FSTL4: variants seen among roughly 807,000 people sequenced by gnomAD.
FSTL4 encodes follistatin-related protein 4.
FSTL4 carries 28 observed loss-of-function variants against 78.2 expected under a neutral mutation model. The observed-to-expected ratio is 0.36, with a 90% CI of 0.27 to 0.49. The LOEUF is 0.49. FSTL4 is among the 20% of genes least tolerant of loss of function. The pLI, the probability that FSTL4 is intolerant of heterozygous loss-of-function variation, is 0.98. For synonymous variants in FSTL4, 422 were observed against 440.5 expected, an observed-to-expected ratio of 0.96 and a Z score of 0.53; for missense variants, 922 against 1,084.9, an observed-to-expected ratio of 0.85 and a Z score of 2.11.
the FSTL4 span, among the ~76,000 whole-genome samples, chr5:133,796,376 G>A: frequency 6.6e-6 from 1 of 152,196 alleles, no homozygotes. Flanking sequence ...TTTCTGCAAG[G>A]GCAGAGGGCC....
At chr5:133,826,167 A>G in the FSTL4 span, among the ~76,000 whole-genome samples, 1 of 152,224 alleles carries the variant, frequency 6.6e-6, no homozygotes, top group African/African-American at 2.4e-5. Flanking sequence ...CACTGAGACT[A>G]GGGCAGCTTG....
intron 5 of FSTL4, among the ~76,000 whole-genome samples, chr5:133,313,974 G>T (rs1452687477): frequency 2.6e-5 from 4 of 152,148 alleles, no homozygotes; most frequent in Non-Finnish European, 4.4e-5. Flanking sequence ...TTTTAAAGAG[G>T]AAATCATTGT....
At chr5:133,659,536 A>G in the FSTL4 span, among the ~76,000 whole-genome samples, 1 of 151,708 alleles carries the variant, frequency 6.6e-6, no homozygotes, top group Non-Finnish European at 1.5e-5. Context: ...GAGTCATTAT[A>G]CTTTGATTAA....
At chr5:133,328,658 C>T (rs1430928181) in intron 4 of FSTL4, among the ~76,000 whole-genome samples, 1 of 152,210 alleles carries the variant, frequency 6.6e-6, no homozygotes, top group African/African-American at 2.4e-5. Context: ...CTTATGAACT[C>T]CGGCTCCCCC....
the FSTL4 span, among the ~76,000 whole-genome samples, chr5:133,683,519 A>C: frequency 6.6e-6 from 1 of 152,206 alleles, no homozygotes; most frequent in Non-Finnish European, 1.5e-5. Flanking sequence ...AAACTTGCCA[A>C]GCATGTTTGC....
At chr5:133,478,052 G>A (rs1429399285) in intron 3 of FSTL4, among the ~76,000 whole-genome samples, 1 of 152,174 alleles carries the variant, frequency 6.6e-6, no homozygotes, top group Admixed American at 6.5e-5. Context: ...GGTACATATC[G>A]TTGTGTGAGT....
chr5:133,793,491 T>C, the FSTL4 span, among the ~76,000 whole-genome samples: 5 of 152,228 alleles, frequency 3.3e-5, no homozygotes, highest in African/African-American at 1.2e-4. Context: ...GATTAGAAAC[T>C]GAGGCTCAGA....
chr5:133,431,606 G>C (rs1332385581), intron 3 of FSTL4, among the ~76,000 whole-genome samples: 1 of 152,188 alleles, frequency 6.6e-6, no homozygotes, highest in Non-Finnish European at 1.5e-5. Context: ...TTATAGCCCA[G>C]CCAGCAGCTG....
chr5:133,377,907 T>C (rs371761653), intron 4 of FSTL4, among the ~76,000 whole-genome samples: 1 of 151,958 alleles, frequency 6.6e-6, no homozygotes, highest in East Asian at 1.9e-4. Context: ...TTTTTTTTTT[T>C]ACTCGTGTAC....
chr5:133,321,789 C>T (rs905763583), intron 4 of FSTL4, among the ~76,000 whole-genome samples: 6 of 152,180 alleles, frequency 3.9e-5, no homozygotes, highest in Non-Finnish European at 8.8e-5. Flanking sequence ...CATGACTCTT[C>T]CAGAGAAAAG....
Position 133,344,257 on chromosome 5 carries a change from C to T in FSTL4, c.410-27605G>A, listed in dbSNP as rs557588295. Among the ~76,000 whole-genome samples, 11 of 152,334 alleles carry T rather than the reference C, an allele frequency of 7.2e-5. No homozygotes were observed. The East Asian group carries it at 1.9e-3, about 27-fold the overall frequency. ...ATTAAACACCTTTCTTGCCCCTTCA[C>T]TATGGAAAAAATCAATTCCCTGATC... On this transcript the variant is annotated intron_variant, in intron 4 of 15. Coordinates refer to ENST00000265342, the MANE Select transcript of FSTL4 (RefSeq NM_015082.2).
At chr5:133,629,661 G>A in the FSTL4 span, among the ~76,000 whole-genome samples, 3 of 152,158 alleles carry the variant, frequency 2.0e-5, no homozygotes, top group African/African-American at 7.2e-5. Flanking sequence ...ACAGCATCAA[G>A]CTGATACTAA....
chr5:133,581,674 G>A (rs256260), intron 2 of FSTL4, among the ~76,000 whole-genome samples: 75,772 of 152,174 alleles, frequency 0.5, 19,574 homozygotes, highest in East Asian at 0.66. Flanking sequence ...TCTCTCATAG[G>A]CTAACCCAGC....
intron 4 of FSTL4, among the ~76,000 whole-genome samples, chr5:133,326,119 C>T (rs1351901805): frequency 6.6e-6 from 1 of 152,228 alleles, no homozygotes; most frequent in Non-Finnish European, 1.5e-5. Flanking sequence ...GCTGCCGTAA[C>T]TTTGCTGGAG....
chr5:133,350,122 T>A (rs1455506391), intron 4 of FSTL4, among the ~76,000 whole-genome samples: 5 of 150,860 alleles, frequency 3.3e-5, no homozygotes, highest in African/African-American at 1.2e-4. Flanking sequence ...CATGCTGCCA[T>A]GCGACTGTAA....
chr5:133,592,287 A>G (rs1486119010), intron 2 of FSTL4, among the ~76,000 whole-genome samples: 2 of 152,174 alleles, frequency 1.3e-5, no homozygotes, highest in African/African-American at 2.4e-5. Flanking sequence ...ACATTCTTAA[A>G]GCTGTTTGTG....
chr5:133,203,786 G>T (rs1750404570), intron 14 of FSTL4, among the ~76,000 whole-genome samples: 1 of 152,188 alleles, frequency 6.6e-6, no homozygotes, highest in African/African-American at 2.4e-5. Flanking sequence ...ATTACAGGCT[G>T]TCATTGGTCA....
intron 3 of FSTL4, among the ~76,000 whole-genome samples, chr5:133,435,688 T>TA (rs1757020290): frequency 6.6e-6 from 1 of 152,244 alleles, no homozygotes; most frequent in African/African-American, 2.4e-5. Flanking sequence ...GTTCTACTGG[T>TA]ATGTTAAACT....
chr5:133,325,401 G>A (rs1296853288), intron 4 of FSTL4, among the ~76,000 whole-genome samples: 1 of 152,166 alleles, frequency 6.6e-6, no homozygotes. Context: ...GAGTCTCCGG[G>A]GTGCTGGAAT....
Sources: gnomAD v4.1 joint callset for allele counts (sites outside exome capture counted in the v4.1 genomes callset) on GRCh38, gnomAD v4.1.1 for gene constraint, MANE v1.5 for transcripts, NCBI Gene and HGNC (gene_info 2026-07-23, HGNC 2026-07-21) for gene names.